NELL1: variants seen among roughly 807,000 people sequenced by gnomAD.
NELL1 encodes the protein protein kinase C-binding protein NELL1.
In NELL1, 76 loss-of-function variants were observed where a neutral mutation model predicts 107.4. The observed-to-expected ratio is 0.71, with a 90% confidence interval of 0.59 to 0.86. The LOEUF (loss-of-function observed/expected upper bound fraction) is 0.86. Among genes scored for constraint, NELL1 ranks in the 40% least tolerant of loss-of-function variants. The probability of loss-of-function intolerance (pLI) is 0.00; values close to 1 mark genes in which losing one functional copy is unlikely to be tolerated. For synonymous variants in NELL1, 353 were observed against 341.2 expected (o/e 1.03, Z -0.38); for missense variants, 1,024 against 1,005.5 (o/e 1.02, Z -0.25).
intron 2 of NELL1, among the ~76,000 whole-genome samples, chr11:20,705,083 C>A (rs1564870725): frequency 6.6e-6 from 1 of 152,150 alleles, no homozygotes; most frequent in Non-Finnish European, 1.5e-5. Context: ...AATGGCCATA[C>A]TGCCCAAGGT....
intron 14 of NELL1, among the ~76,000 whole-genome samples, chr11:21,303,026 A>T (rs1849528490): frequency 6.6e-6 from 1 of 151,962 alleles, no homozygotes; most frequent in Non-Finnish European, 1.5e-5. Context: ...ATGCTGCTTC[A>T]TGCCAACCTG....
At chr11:20,777,897 G>T (rs1856779995) in intron 2 of NELL1, among the ~76,000 whole-genome samples, 1 of 152,110 alleles carries the variant, frequency 6.6e-6, no homozygotes, top group African/African-American at 2.4e-5. Context: ...GAACTGGTGG[G>T]GATTCTGCCT....
intron 2 of NELL1, among the ~76,000 whole-genome samples, chr11:20,729,328 C>T (rs933958277): frequency 2.0e-5 from 3 of 152,212 alleles, no homozygotes; most frequent in Admixed American, 6.5e-5. Context: ...CTCTAGCTAG[C>T]ACTTCCAATA....
chr11:20,802,910 A>G (rs1857307935), intron 3 of NELL1, among the ~76,000 whole-genome samples: 1 of 152,288 alleles, frequency 6.6e-6, no homozygotes, highest in East Asian at 1.9e-4. Flanking sequence ...CATACTTGGG[A>G]TAAATTTCAT....
At chr11:21,009,886 G>A (rs970753297) in intron 12 of NELL1, among the ~76,000 whole-genome samples, 1 of 151,946 alleles carries the variant, frequency 6.6e-6, no homozygotes, top group African/African-American at 2.4e-5. Flanking sequence ...ACAACAACAT[G>A]CAAACAGAGT....
chr11:21,430,405 A>G (rs916006451), intron 15 of NELL1, among the ~76,000 whole-genome samples: 1 of 152,228 alleles, frequency 6.6e-6, no homozygotes, highest in African/African-American at 2.4e-5. Flanking sequence ...GAAATCTTAT[A>G]AGCATCTTTT....
intron 14 of NELL1, among the ~76,000 whole-genome samples, chr11:21,259,495 T>C (rs1311578026): frequency 6.6e-6 from 1 of 151,810 alleles, no homozygotes; most frequent in Non-Finnish European, 1.5e-5. Context: ...GGATATCATG[T>C]GATGGTGCTG....
At chr11:20,795,711 A>C (rs916958488) in intron 3 of NELL1, among the ~76,000 whole-genome samples, 3 of 152,198 alleles carry the variant, frequency 2.0e-5, no homozygotes, top group Non-Finnish European at 1.5e-5. Flanking sequence ...GGTTCTAAGA[A>C]AAAGCTTCCC....
At chr11:20,993,739 GA>G (rs1852028110) in intron 12 of NELL1, among the ~76,000 whole-genome samples, 1 of 151,878 alleles carries the variant, frequency 6.6e-6, no homozygotes. Context: ...ATTGTTTCAG[GA>G]ATAATGACAA....
At chr11:20,755,556 G>GTTT (rs1188989442) in intron 2 of NELL1, among the ~76,000 whole-genome samples, 3 of 23,370 alleles carry the variant, frequency 1.3e-4, no homozygotes, top group African/African-American at 2.5e-4. Context: ...TTTTGTTTTT[G>GTTT]TTTTTGTTTT....
chr11:20,989,078 G>T (rs572928494), intron 12 of NELL1, among the ~76,000 whole-genome samples: 3 of 152,134 alleles, frequency 2.0e-5, no homozygotes, highest in South Asian at 2.1e-4. Context: ...AGACAGCAAG[G>T]TTAAGCCACT....
intron 13 of NELL1, among the ~76,000 whole-genome samples, chr11:21,164,015 G>A (rs568101490): frequency 8.5e-5 from 13 of 152,090 alleles, no homozygotes; most frequent in Non-Finnish European, 1.8e-4. Context: ...TGCCCATAGA[G>A]AAAAAAGTCA....
chr11:20,889,754 C>T (rs2134113651), intron 5 of NELL1, among the ~76,000 whole-genome samples: 1 of 152,270 alleles, frequency 6.6e-6, no homozygotes, highest in South Asian at 2.1e-4. Flanking sequence ...TGCGACGGCC[C>T]ATCTGAGAGC....
At chr11:21,223,680 G>C (rs532822517) in intron 13 of NELL1, among the ~76,000 whole-genome samples, 1 of 151,974 alleles carries the variant, frequency 6.6e-6, no homozygotes, top group African/African-American at 2.4e-5. Flanking sequence ...GTGGTTTGGT[G>C]GTTTTCTGTA....
At chr11:21,131,595 T>A (rs760686851) in intron 13 of NELL1, among the ~76,000 whole-genome samples, 21 of 152,342 alleles carry the variant, frequency 1.4e-4, no homozygotes, top group Middle Eastern at 3.4e-3. Context: ...CAGTGCTTGC[T>A]ACAATGATAT....
chr11:21,013,265 GCCA>G (rs1321272666), intron 12 of NELL1, among the ~76,000 whole-genome samples: 4 of 152,058 alleles, frequency 2.6e-5, no homozygotes. Flanking sequence ...CAGAACTTTG[GCCA>G]CCCGCTGGGA....
At chr11:21,208,821 TG>T (rs1452735929) in intron 13 of NELL1, among the ~76,000 whole-genome samples, 2 of 152,152 alleles carry the variant, frequency 1.3e-5, no homozygotes, top group Non-Finnish European at 2.9e-5. Flanking sequence ...GCTCTTAAAG[TG>T]GTTTACAGCC....
chr11:21,122,079 C>CT (rs1855379863), intron 13 of NELL1, among the ~76,000 whole-genome samples: 1 of 152,120 alleles, frequency 6.6e-6, no homozygotes, highest in Non-Finnish European at 1.5e-5. Flanking sequence ...GTGGGAGTTC[C>CT]TTTTTATTCC....
At chr11:21,238,733 A>C (rs1224071206) in intron 14 of NELL1, among the ~76,000 whole-genome samples, 1 of 152,106 alleles carries the variant, frequency 6.6e-6, no homozygotes, top group Non-Finnish European at 1.5e-5. Context: ...TAAGATGGAA[A>C]ACTGAAGAGG....
Sources: gnomAD v4.1 joint callset for allele counts (sites outside exome capture counted in the v4.1 genomes callset) on GRCh38, gnomAD v4.1.1 for gene constraint, MANE v1.5 for transcripts, NCBI Gene and HGNC (gene_info 2026-07-23, HGNC 2026-07-21) for gene names.